CD320: variants seen among roughly 807,000 people sequenced by gnomAD.
CD320 encodes CD320 antigen.
In CD320, 16 loss-of-function variants were observed where a neutral mutation model predicts 22.1. That is an observed-to-expected ratio of 0.73 (90% CI 0.49 to 1.10). CD320 has a LOEUF of 1.10. CD320 is among the 50% of genes least tolerant of loss of function. The pLI is 0.00. For synonymous variants in CD320, 188 were observed against 167.8 expected, an observed-to-expected ratio of 1.12 and a Z score of -0.93; for missense variants, 388 against 376.9, an observed-to-expected ratio of 1.03 and a Z score of -0.24.
At chr19:8,305,499 C>T (rs965184039) in intron 1 of CD320, 50 of 305,616 alleles carry the variant, frequency 1.6e-4, no homozygotes, top group Admixed American at 1.5e-3. Context: ...CTTGAGGTCA[C>T]GAGTTCGAGA....
At chr19:8,307,174 C>T (rs889319968) in intron 1 of CD320, among the ~76,000 whole-genome samples, 2 of 151,814 alleles carry the variant, frequency 1.3e-5, no homozygotes, top group Non-Finnish European at 2.9e-5. Flanking sequence ...GCCTGTAGTC[C>T]CAAGCTACTC....
At chr19:8,304,675 TTC>T in intron 2 of CD320, 1 of 246,192 alleles carries the variant, frequency 4.1e-6, no homozygotes, top group Non-Finnish European at 8.0e-6. Context: ...TTTCTTTCCT[TTC>T]TTTCATTTTT....
chr19:8,306,078 G>A (rs1970084964), intron 1 of CD320, among the ~76,000 whole-genome samples: 1 of 152,016 alleles, frequency 6.6e-6, no homozygotes, highest in Non-Finnish European at 1.5e-5. Flanking sequence ...AGAGCCCCAG[G>A]CCCCAGGCCC....
chr19:8,306,454 A>G (rs1466664060), intron 1 of CD320, among the ~76,000 whole-genome samples: 2 of 152,300 alleles, frequency 1.3e-5, no homozygotes, highest in East Asian at 3.9e-4. Context: ...AGGGGCACGG[A>G]GGGGCCCGCA....
chr19:8,308,347 G>T lies in CD320; in HGVS notation c.-57C>A. The T allele has an allele frequency of 6.4e-7, 1 of 1,550,654 alleles. No homozygotes were observed. Among genetic ancestry groups the T allele is most frequent in the South Asian group, 1.2e-5 (1 of 85,512 alleles). ...GTCCAGACCGCTCTCTTATCCCTGC[G>T]CACGCGCACGCGCGGGGTTGGGGCG... On this transcript the variant is annotated 5_prime_UTR_variant, in exon 1 of 5. Coordinates refer to ENST00000301458, the MANE Select transcript of CD320 (RefSeq NM_016579.4).
chr19:8,302,612 G>A lies in CD320; in HGVS notation c.707-7C>T. ...AGGCTTGCACTGAGCACCGCTGTGGGGAACAGATGGACAGAGGAGTAAGGA... is the reference window on the plus strand; with the variant it reads ...AGGCTTGCACTGAGCACCGCTGTGGAGAACAGATGGACAGAGGAGTAAGGA... On this transcript the variant is annotated splice_region_variant and splice_polypyrimidine_tract_variant and intron_variant, in intron 4 of 4. Transcript: ENST00000301458. 1 of 1,612,946 alleles carries A rather than the reference G, an allele frequency of 6.2e-7. No individual in the cohort carries two copies. Among genetic ancestry groups the A allele is most frequent in the Non-Finnish European group, 8.5e-7 (1 of 1,179,348 alleles).
chr19:8,304,531 T>TG (rs1184131432), intron 2 of CD320, among the ~76,000 whole-genome samples: 1 of 152,070 alleles, frequency 6.6e-6, no homozygotes, highest in African/African-American at 2.4e-5. Flanking sequence ...TTAGTAGAGA[T>TG]GGGGTTTCAC....
At position 8,308,134 on chromosome 19, in the gene CD320, C is replaced by T. The variant is rs899254435; in HGVS notation, c.142+15G>A. 6.7e-6 allele frequency: 10 copies of T among 1,489,052 alleles called. No homozygotes were observed. Among genetic ancestry groups the T allele is most frequent in the South Asian group, 1.3e-5 (1 of 75,630 alleles). The allele number at this position is 1,489,052 out of a possible 1,614,324, so 92.2% of individuals were successfully genotyped here. The stretch of plus-strand genomic sequence containing the variant: ...TCGCGAGGGGTGGGAGCCCGCGCTG[C>T]GGGGCGTCACTCACCTGCGGCCTGG... On this transcript the variant is annotated intron_variant, in intron 1 of 4. Coordinates refer to ENST00000301458, the MANE Select transcript of CD320 (RefSeq NM_016579.4).
In CD320 at chr19:8,302,913, G is replaced by T. The variant is rs1198084823; in HGVS notation, c.570C>A (p.Val190=). Residue 190 remains valine, a synonymous_variant, in exon 4 of 5, where the codon GTC becomes GTA. Coordinates refer to ENST00000301458, the MANE Select transcript of CD320 (RefSeq NM_016579.4). ...TMGPPVTLES[V]TSLRNATTMG... ...TGGTTGTGGCATTCCTGAGAGAGGT[G>T]ACACTCTCCAGGGTCACAGGGGGCC... The T allele has an allele frequency of 1.2e-6, 2 of 1,614,122 alleles. No homozygotes were observed. Among genetic ancestry groups the T allele is most frequent in the South Asian group, 2.2e-5 (2 of 91,078 alleles).
Position 8,304,381 on chromosome 19 carries a change from T to C in CD320, c.269-293A>G, listed in dbSNP as rs890856. Among the ~76,000 whole-genome samples, 132,127 of 152,196 alleles carry C rather than the reference T, an allele frequency of 0.87. 57,528 individuals carry two copies. Among genetic ancestry groups the C allele is most frequent in the Non-Finnish European group, 0.9 (61,164 of 68,018 alleles). ...CTTTTGAGACGGGGTCTCCCTTTGC[T>C]GCCCAGGCTGCAGTGCAGTGGCGCA... On this transcript the variant is annotated intron_variant, in intron 2 of 4. Transcript: ENST00000301458.
Position 8,302,396 on chromosome 19 carries a change from G to C in CD320, c.*67C>G. On this transcript the variant is annotated 3_prime_UTR_variant, in exon 5 of 5. Transcript: ENST00000301458. ...GGCTGGTGTGCCCGGGTACCCATCCGCATCACTGCTCTCCTCCTGTCCGGC... is the reference window on the plus strand; with the variant it reads ...GGCTGGTGTGCCCGGGTACCCATCCCCATCACTGCTCTCCTCCTGTCCGGC... The C allele has an allele frequency of 6.3e-7, 1 of 1,597,322 alleles. No homozygotes were observed. The highest frequency in any genetic ancestry group is 8.6e-7 in the Non-Finnish European group (1 of 1,166,124).
Position 8,303,952 on chromosome 19 carries a change from G to A in CD320, c.405C>T (p.Gly135=), listed in dbSNP as rs372005633. 9.8e-5 allele frequency: 156 copies of A among 1,590,550 alleles called. No homozygotes were observed. The highest frequency in any genetic ancestry group is 1.2e-4 in the Non-Finnish European group (137 of 1,168,984). Residue 135 remains glycine, a synonymous_variant, in exon 3 of 5, where the codon GGC becomes GGT. Coordinates refer to ENST00000301458, the MANE Select transcript of CD320 (RefSeq NM_016579.4). ...RNCSRLACLA[G]ELRCTLSDDC... ...CATCGCTCAGCGTGCAACGGAGCTC[G>A]CCTGCTAGGCAGGCCAGGCGGCTGC...
chr19:8,305,095 C>A lies in CD320; in HGVS notation c.204G>T (p.Val68=). The A allele has an allele frequency of 2.5e-6, 4 of 1,613,112 alleles. No homozygotes were observed. Among genetic ancestry groups the A allele is most frequent in the Non-Finnish European group, 3.4e-6 (4 of 1,179,890 alleles). The change falls in exon 2 of 5, where the codon GTG becomes GTT. Residue 68 remains valine (V), a synonymous_variant. Transcript: ENST00000301458. The stretch of plus-strand genomic sequence containing the variant: ...CCCTGTCGCAGCGCCAGGTGAGGGG[C>A]ACGCATAAGCCACTGGTGCGGCACT... ...KFQCRTSGLC[V]PLTWRCDRDL... is the part of the protein sequence containing the mutation.
rs1441979663 is a variant in CD320 at position 8,302,770 on chromosome 19, C to A, written c.706+7G>T. 2 of 1,613,110 alleles carry A rather than the reference C, an allele frequency of 1.2e-6. No homozygotes were observed. The highest frequency in any genetic ancestry group is 1.7e-6 in the Non-Finnish European group (2 of 1,179,066). ...GCCCCCAGCATGGGAGGGTAAGTCCCTCTTACCAGCAGCTGCAATAACCCC... is the reference window on the plus strand; with the variant it reads ...GCCCCCAGCATGGGAGGGTAAGTCCATCTTACCAGCAGCTGCAATAACCCC... On this transcript the variant is annotated splice_region_variant and intron_variant, in intron 4 of 4. Coordinates refer to ENST00000301458, the MANE Select transcript of CD320 (RefSeq NM_016579.4).
intron 3 of CD320, 114 bp from the exon 4 acceptor site, chr19:8,303,094 C>A: frequency 3.6e-6 from 2 of 553,544 alleles, no homozygotes; most frequent in Non-Finnish European, 6.1e-6. Context: ...CTGGGTGAAG[C>A]TGACTGCCCG....
Position 8,302,830 on chromosome 19 carries a change from G to C in CD320, c.653C>G (p.Ser218Cys). Reference sequence around the variant, plus strand: ...TGGGCTTCCAGACTGGTCTCCGGCAGAGGAGGATGTGGCATTCCCGACAGA... The same window carrying C: ...TGGGCTTCCAGACTGGTCTCCGGCACAGGAGGATGTGGCATTCCCGACAGA... ...VPSVGNATSS[S>C]AGDQSGSPTA... is the part of the protein sequence containing the mutation. The change falls in exon 4 of 5, where the codon TCT becomes TGT. Residue 218 changes from serine to cysteine, a missense_variant. Physicochemically the swap from Ser to Cys is moderately radical, Grantham distance 112. Transcript: ENST00000301458. The C allele has an allele frequency of 1.9e-6, 3 of 1,614,108 alleles. No individual in the cohort carries two copies. Among genetic ancestry groups the C allele is most frequent in the Non-Finnish European group, 2.5e-6 (3 of 1,179,972 alleles).
intron 1 of CD320, 119 bp downstream of exon 1, chr19:8,308,030 T>C: frequency 9.6e-7 from 1 of 1,042,494 alleles, no homozygotes; most frequent in Non-Finnish European, 1.3e-6. Context: ...CAAGTCCACG[T>C]GCTGGGGGAG....
chr19:8,304,132 G>A (rs1970053124), intron 2 of CD320, 44 bp from the exon 3 acceptor site: 2 of 1,031,404 alleles, frequency 1.9e-6, no homozygotes, highest in Admixed American at 2.0e-5. Flanking sequence ...CACCCAAGAA[G>A]GCCCAGGTAC....
intron 1 of CD320, among the ~76,000 whole-genome samples, chr19:8,306,526 G>A (rs571340649): frequency 3.9e-5 from 6 of 152,284 alleles, no homozygotes; most frequent in Non-Finnish European, 8.8e-5. Flanking sequence ...GTGCGGCCAG[G>A]GGAGGTGGCA....
Sources: gnomAD v4.1 joint callset for allele counts (sites outside exome capture counted in the v4.1 genomes callset) on GRCh38, gnomAD v4.1.1 for gene constraint, MANE v1.5 for transcripts, NCBI Gene and HGNC (gene_info 2026-07-23, HGNC 2026-07-21) for gene names.